The following NCOA3 variants were observed in gnomAD, a reference collection of about 807,000 sequenced individuals.
NCOA3 encodes the protein nuclear receptor coactivator 3.
A neutral mutation model predicts 158.8 loss-of-function variants in NCOA3; 51 were observed. The ratio of observed to expected loss-of-function variants is 0.32; its 90% confidence interval spans 0.26 to 0.41. The LOEUF is 0.41. Among genes scored for constraint, NCOA3 ranks in the 10% least tolerant of loss-of-function variants. NCOA3 has a pLI of 1.00. For missense variants in NCOA3, 1,510 were observed against 1,746.6 expected, an observed-to-expected ratio of 0.86 and a Z score of 2.41; for synonymous variants, 537 against 592.4, an observed-to-expected ratio of 0.91 and a Z score of 1.36.
chr20:47,571,908 T>C (rs2085301251), intron 1 of NCOA3, among the ~76,000 whole-genome samples: 1 of 150,058 alleles, frequency 6.7e-6, no homozygotes, highest in African/African-American at 2.5e-5. Flanking sequence ...TTTTGTTCTT[T>C]ATGGAGACAG....
intron 1 of NCOA3, among the ~76,000 whole-genome samples, chr20:47,532,342 C>G (rs1226588595): frequency 6.6e-6 from 1 of 151,948 alleles, no homozygotes; most frequent in African/African-American, 2.4e-5. Flanking sequence ...GCAAGGTGAC[C>G]AGTGTTTTGG....
intron 1 of NCOA3, among the ~76,000 whole-genome samples, chr20:47,521,275 T>C (rs1448000131): frequency 1.3e-5 from 2 of 151,950 alleles, no homozygotes; most frequent in Admixed American, 1.3e-4. Flanking sequence ...GGGAATGTAA[T>C]CACAGGCAAG....
chr20:47,504,309 A>G (rs911806366), intron 1 of NCOA3, among the ~76,000 whole-genome samples: 5 of 152,174 alleles, frequency 3.3e-5, no homozygotes, highest in Admixed American at 6.5e-5. Context: ...AGCAAATAAA[A>G]TAGAATTCAG....
chr20:47,528,178 C>T (rs143886893), intron 1 of NCOA3, among the ~76,000 whole-genome samples: 166 of 152,250 alleles, frequency 1.1e-3, no homozygotes, highest in Middle Eastern at 6.8e-3. Flanking sequence ...CTCAAAATAA[C>T]AGTTATGCTA....
At chr20:47,598,489 C>T (rs1602462763) in intron 2 of NCOA3, among the ~76,000 whole-genome samples, 1 of 152,020 alleles carries the variant, frequency 6.6e-6, no homozygotes, top group South Asian at 2.1e-4. Flanking sequence ...GTGCGTGCCA[C>T]CATGCCTGGC....
Position 47,636,219 on chromosome 20 carries a change from T to G in NCOA3, c.1833T>G (p.Gly611=), listed in dbSNP as rs776447580. The G allele has an allele frequency of 6.2e-7, 1 of 1,613,908 alleles. No individual in the cohort carries two copies. The highest frequency in any genetic ancestry group is 1.3e-5 in the African/African-American group (1 of 74,860). Residue 611 remains glycine (G), a synonymous_variant, in exon 12 of 23, where the codon GGT becomes GGG. Transcript: ENST00000371998. ...TTGAGGGGGCAGAGAATCAAAGGGGTCCTTTGGAAAGCAAAGGTCATAAAA... is the reference window on the plus strand; with the variant it reads ...TTGAGGGGGCAGAGAATCAAAGGGGGCCTTTGGAAAGCAAAGGTCATAAAA... ...SSVEGAENQR[G]PLESKGHKKL...
rs1355916391 is a variant in NCOA3 at position 47,653,563 on chromosome 20, T to C, written c.*146T>C. 4 of 965,678 alleles carry C rather than the reference T, an allele frequency of 4.1e-6. No individual in the cohort carries two copies. The highest frequency in any genetic ancestry group is 1.6e-5 in the African/African-American group (1 of 60,678). 59.8% of individuals were successfully genotyped at this position (965,678 alleles called of 1,614,324 possible). A position where few individuals can be genotyped will look rare whatever the true frequency, so the allele number is the denominator to read the frequency against. On this transcript the variant is annotated 3_prime_UTR_variant, in exon 23 of 23. Transcript: ENST00000371998. Reference sequence around the variant, plus strand: ...ATCAAGGGTATTTTAAGTGATGTCATTTGAGCAGGACTGGATTTTAAGCCG... The same window carrying C: ...ATCAAGGGTATTTTAAGTGATGTCACTTGAGCAGGACTGGATTTTAAGCCG...
rs148697435 is a variant in NCOA3, at chr20:47,578,438, G to A, written c.-98-4745G>A. On this transcript the variant is annotated intron_variant, in intron 1 of 22. Coordinates refer to ENST00000371998, the MANE Select transcript of NCOA3 (RefSeq NM_181659.3). ...TGACCTCAGGTGATCTGCCCACCTCGGCCTCCCAAAATGCTAGGATTACAG... is the reference window on the plus strand; with the variant it reads ...TGACCTCAGGTGATCTGCCCACCTCAGCCTCCCAAAATGCTAGGATTACAG... 5.1e-3 allele frequency among the ~76,000 whole-genome samples: 772 copies of A among 152,172 alleles called. 5 individuals carry two copies. Among genetic ancestry groups the A allele is most frequent in the African/African-American group, 0.017 (722 of 41,516 alleles).
chr20:47,613,471 G>A lies in NCOA3; in HGVS notation c.-19-8758G>A, dbSNP rs116262459. On this transcript the variant is annotated intron_variant, in intron 2 of 22. Coordinates refer to ENST00000371998, the MANE Select transcript of NCOA3 (RefSeq NM_181659.3). ...TAAAATGATTCTGGGCATGCAAAAC[G>A]TTTGAGCTGAAATGGAATTAAATTG... 3.5e-3 allele frequency among the ~76,000 whole-genome samples: 502 copies of A among 142,600 alleles called. 4 individuals are homozygous for A. The highest frequency in any genetic ancestry group is 0.012 in the African/African-American group (465 of 38,492). The allele number at this position is 142,600 out of a possible 152,430, so 93.6% of individuals were successfully genotyped here. A position where few individuals can be genotyped will look rare whatever the true frequency, so the allele number is the denominator to read the frequency against.
intron 12 of NCOA3, among the ~76,000 whole-genome samples, chr20:47,637,243 G>A (rs1008621907): frequency 1.3e-5 from 2 of 152,254 alleles, no homozygotes; most frequent in South Asian, 2.1e-4. Flanking sequence ...TTTATTGACC[G>A]AAGCCCTTTT....
intron 8 of NCOA3, among the ~76,000 whole-genome samples, chr20:47,632,779 T>C (rs1383558641): frequency 6.6e-6 from 1 of 151,468 alleles, no homozygotes; most frequent in Non-Finnish European, 1.5e-5. Flanking sequence ...GCCTGCCAGG[T>C]TCCAGCGATT....
chr20:47,602,294 A>AACTATTGTTATATTGCTGTTC (rs2085877610), intron 2 of NCOA3, among the ~76,000 whole-genome samples: 1 of 152,184 alleles, frequency 6.6e-6, no homozygotes. Context: ...TTTCTAAACC[A>AACTATTGTTATATTGCTGTTC]ACTATTGTTA....
intron 1 of NCOA3, among the ~76,000 whole-genome samples, chr20:47,569,599 C>A (rs1419822922): frequency 6.6e-6 from 1 of 152,012 alleles, no homozygotes; most frequent in African/African-American, 2.4e-5. Context: ...ACAAGAATTG[C>A]TTGAACTCGG....
chr20:47,578,154 G>A (rs2085399975), intron 1 of NCOA3, among the ~76,000 whole-genome samples: 1 of 151,492 alleles, frequency 6.6e-6, no homozygotes, highest in African/African-American at 2.4e-5. Context: ...AGTTTATATA[G>A]CTCAAAAAAA....
intron 1 of NCOA3, among the ~76,000 whole-genome samples, chr20:47,526,471 A>G (rs1161737607): frequency 6.6e-6 from 1 of 152,218 alleles, no homozygotes; most frequent in African/African-American, 2.4e-5. Flanking sequence ...CCTGGGCACC[A>G]TTGAGCACTG....
chr20:47,562,663 C>T (rs917283789), intron 1 of NCOA3, among the ~76,000 whole-genome samples: 4 of 152,006 alleles, frequency 2.6e-5, no homozygotes, highest in African/African-American at 9.7e-5. Context: ...ATATAAATCA[C>T]AACTGTACCA....
chr20:47,546,233 A>G (rs186226164), intron 1 of NCOA3, among the ~76,000 whole-genome samples: 3 of 151,308 alleles, frequency 2.0e-5, no homozygotes, highest in Admixed American at 6.6e-5. Context: ...AACCTTGACT[A>G]CTCTTTTATC....
chr20:47,537,490 A>G (rs1446278041), intron 1 of NCOA3, among the ~76,000 whole-genome samples: 1 of 151,708 alleles, frequency 6.6e-6, no homozygotes, highest in African/African-American at 2.4e-5. Flanking sequence ...CACCTGTTCT[A>G]TTTTATATTC....
chr20:47,597,449 A>G (rs1602460404), intron 2 of NCOA3, among the ~76,000 whole-genome samples: 1 of 135,132 alleles, frequency 7.4e-6, no homozygotes, highest in South Asian at 2.4e-4. Context: ...GGCATTTTGC[A>G]TTTCTGTTAG....
Sources: allele counts gnomAD v4.1 joint callset (sites outside exome capture counted in the v4.1 genomes callset), GRCh38; gene constraint gnomAD v4.1.1; transcripts MANE v1.5; gene names NCBI Gene and HGNC (gene_info 2026-07-23, HGNC 2026-07-21).